The following PBK variants were observed in gnomAD, a reference collection of about 807,000 sequenced individuals.
The protein encoded by PBK is lymphokine-activated killer T-cell-originated protein kinase.
A neutral mutation model predicts 33.5 loss-of-function variants in PBK; 22 were observed. The observed-to-expected ratio is 0.66, with a 90% CI of 0.47 to 0.94. The LOEUF (loss-of-function observed/expected upper bound fraction) is 0.94, where lower values mean the gene tolerates loss of function less well. Ranked by LOEUF, PBK falls within the 40% of genes least tolerant of loss-of-function variation. The pLI, the probability that PBK is intolerant of heterozygous loss-of-function variation, is 0.00. For missense variants in PBK, 376 were observed against 383.4 expected, an observed-to-expected ratio of 0.98 and a Z score of 0.16; for synonymous variants, 129 against 123.8, an observed-to-expected ratio of 1.04 and a Z score of -0.28.
At chr8:27,827,646 G>GTAT (rs1806050884) in intron 3 of PBK, among the ~76,000 whole-genome samples, 2 of 152,202 alleles carry the variant, frequency 1.3e-5, no homozygotes, top group African/African-American at 4.8e-5. Context: ...TTAAAATCAT[G>GTAT]TATTTACCCT....
At position 27,820,589 on chromosome 8, in the gene PBK, G is replaced by C; in HGVS notation, c.571C>G (p.Leu191Val). 2 of 1,583,276 alleles carry C rather than the reference G, an allele frequency of 1.3e-6. No homozygotes were observed. Among genetic ancestry groups the C allele is most frequent in the Non-Finnish European group, 1.7e-6 (2 of 1,156,476 alleles). Residue 191 changes from leucine (L) to valine (V), a missense_variant, in exon 6 of 8, where the codon CTA becomes GTA. Transcript: ENST00000301905. ...TIKICDVGVSLPLDENMTVTD... is the reference protein window; with the variant it reads ...TIKICDVGVSVPLDENMTVTD... The stretch of plus-strand genomic sequence containing the variant: ...CCAGTCATATTTTCATCCAGTGGTA[G>C]AGAGACTCCTACATCACAGATTTTA...
chr8:27,824,531 C>T (rs1038568215), intron 3 of PBK, among the ~76,000 whole-genome samples: 2 of 152,068 alleles, frequency 1.3e-5, no homozygotes, highest in African/African-American at 2.4e-5. Context: ...TTTATGCAAT[C>T]ATTTAAGACA....
At chr8:27,831,991 A>T (rs892809938) in intron 2 of PBK, among the ~76,000 whole-genome samples, 10 of 152,164 alleles carry the variant, frequency 6.6e-5, no homozygotes, top group Admixed American at 3.9e-4. Context: ...TTAAAAAAAG[A>T]GAAACATTTC....
chr8:27,829,448 A>T (rs560362067), intron 2 of PBK, among the ~76,000 whole-genome samples: 1 of 152,252 alleles, frequency 6.6e-6, no homozygotes, highest in African/African-American at 2.4e-5. Context: ...TCAGACCATA[A>T]CTAAATCAAA....
chr8:27,834,916 G>A (rs532177225), intron 1 of PBK, among the ~76,000 whole-genome samples: 25 of 151,288 alleles, frequency 1.7e-4, no homozygotes, highest in African/African-American at 6.1e-4. Flanking sequence ...AAGAACGGAA[G>A]AAAAGAAAAT....
intron 6 of PBK, chr8:27,812,637 A>G (rs1230678426): frequency 6.6e-6 from 1 of 151,516 alleles, no homozygotes; most frequent in Non-Finnish European, 1.5e-5. Context: ...AAAAAAAAAA[A>G]AAAACATCAA....
In PBK at chr8:27,811,133, C is replaced by T. The variant is rs767327170; in HGVS notation, c.597G>A (p.Val199=). 1 of 1,613,770 alleles carries T rather than the reference C, an allele frequency of 6.2e-7. No individual in the cohort carries two copies. Among genetic ancestry groups the T allele is most frequent in the Non-Finnish European group, 8.5e-7 (1 of 1,179,800 alleles). The change falls in exon 7 of 8, where the codon GTG becomes GTA. Residue 199 remains valine, a splice_region_variant and synonymous_variant. Transcript: ENST00000301905. ...CAATGTAACAAGCCTCAGGGTCAGT[C>T]ACTGAAACAAGCAAGATGGTTATGA... ...VSLPLDENMT[V]TDPEACYIGT...
chr8:27,828,144 A>G lies in PBK; in HGVS notation c.113T>C (p.Leu38Pro), dbSNP rs1255734926. Residue 38 changes from leucine (L) to proline (P), a missense_variant, in exon 3 of 8, where the codon CTT becomes CCT. Physicochemically the swap from Leu to Pro is moderately conservative, Grantham distance 98. Coordinates refer to ENST00000301905, the MANE Select transcript of PBK (RefSeq NM_018492.4). ...CACATTTACCCCAGTACCAAAGCCA[A>G]GCTTCTGCATAAACGGAGAGGCCGG... is the stretch of plus-strand genomic sequence containing the variant. Reference protein sequence around the residue: ...NIPASPFMQKLGFGTGVNVYL... With the variant: ...NIPASPFMQKPGFGTGVNVYL... The G allele has an allele frequency of 1.9e-6, 3 of 1,590,094 alleles. No homozygotes were observed. In the Admixed American group the frequency reaches 5.0e-5, roughly 27 times the overall value.
intron 6 of PBK, among the ~76,000 whole-genome samples, chr8:27,811,542 T>C (rs1805684295): frequency 6.6e-6 from 1 of 152,128 alleles, no homozygotes; most frequent in Admixed American, 6.5e-5. Context: ...AAGTACCATT[T>C]CTATGCTTCC....
intron 6 of PBK, among the ~76,000 whole-genome samples, chr8:27,813,454 A>G: frequency 6.6e-6 from 1 of 152,290 alleles, no homozygotes; most frequent in East Asian, 1.9e-4. Flanking sequence ...TAGAACTTAA[A>G]CAATTTTGTT....
rs891876404 is a variant in PBK at position 27,837,783 on chromosome 8, C to G, written c.-152G>C. The G allele has an allele frequency of 2.0e-5, 3 of 152,280 alleles. No homozygotes were observed. Among genetic ancestry groups the G allele is most frequent in the African/African-American group, 7.2e-5 (3 of 41,476 alleles). 9.4% of individuals were successfully genotyped at this position (152,280 alleles called of 1,614,324 possible). A position where few individuals can be genotyped will look rare whatever the true frequency, so the allele number is the denominator to read the frequency against. The stretch of plus-strand genomic sequence containing the variant: ...CTCTAGCACCAACACATACGCCCGG[C>G]AGCTGCCGTTGCAATTCGAACCCTC... On this transcript the variant is annotated 5_prime_UTR_variant, in exon 1 of 8. Transcript: ENST00000301905.
chr8:27,820,852 C>T (rs1420533176), intron 5 of PBK, among the ~76,000 whole-genome samples, 158 bp from the exon 6 acceptor site: 3 of 148,020 alleles, frequency 2.0e-5, no homozygotes, highest in African/African-American at 5.0e-5. Flanking sequence ...AAAACGGAGT[C>T]TCACTCTGTT....
rs1358563281 is a variant in PBK at position 27,811,136 on chromosome 8, T to A, written c.596-2A>T. ...TGTAACAAGCCTCAGGGTCAGTCAC[T>A]GAAACAAGCAAGATGGTTATGAAGG... On this transcript the variant is annotated splice_acceptor_variant, in intron 6 of 7. Transcript: ENST00000301905. LOFTEE classifies it high-confidence loss of function. 1 of 1,613,694 alleles carries A rather than the reference T, an allele frequency of 6.2e-7. No homozygotes were observed. Among genetic ancestry groups the A allele is most frequent in the Admixed American group, 1.7e-5 (1 of 59,982 alleles).
At chr8:27,829,181 A>G (rs1214385846) in intron 2 of PBK, among the ~76,000 whole-genome samples, 2 of 152,352 alleles carry the variant, frequency 1.3e-5, no homozygotes, top group Admixed American at 6.5e-5. Context: ...ATCCGCACAT[A>G]ACAATGTGTA....
Position 27,833,263 on chromosome 8 carries a change from G to GGGTGGATCACCTGAGGTC in PBK, c.-20-148_-20-131dup, listed in dbSNP as rs141552109. On this transcript the variant is annotated intron_variant, in intron 1 of 7. Coordinates refer to ENST00000301905, the MANE Select transcript of PBK (RefSeq NM_018492.4). ...TCCCAGCACTTTGGGAGGCTGAGGTGGGTGGATCACCTGAGGTCGGTGGAT... is the reference window on the plus strand; with the variant it reads ...TCCCAGCACTTTGGGAGGCTGAGGTGGGTGGATCACCTGAGGTCGGTGGATCACCTGAGGTCGGTGGAT... The GGGTGGATCACCTGAGGTC allele has an allele frequency of 1.2e-5, 6 of 490,898 alleles. No individual in the cohort carries two copies. In the African/African-American group the frequency reaches 1.2e-4, roughly 10 times the overall value. The allele number at this position is 490,898 out of a possible 1,614,324, so 30.4% of individuals were successfully genotyped here. A position where few individuals can be genotyped will look rare whatever the true frequency, so the allele number is the denominator to read the frequency against.
chr8:27,832,940 G>A (rs2128965900), intron 2 of PBK, 116 bp downstream of exon 2: 1 of 619,086 alleles, frequency 1.6e-6, no homozygotes, highest in Non-Finnish European at 2.8e-6. Flanking sequence ...TCATAAAGGG[G>A]AGTTACATTA....
In PBK at chr8:27,837,776, C is replaced by G. The variant is rs1806256057; in HGVS notation, c.-145G>C. The stretch of plus-strand genomic sequence containing the variant: ...CAGCTGCCTCTAGCACCAACACATA[C>G]GCCCGGCAGCTGCCGTTGCAATTCG... On this transcript the variant is annotated 5_prime_UTR_variant, in exon 1 of 8. Coordinates refer to ENST00000301905, the MANE Select transcript of PBK (RefSeq NM_018492.4). 1 of 152,248 alleles carries G rather than the reference C, an allele frequency of 6.6e-6. No homozygotes were observed. Among genetic ancestry groups the G allele is most frequent in the Non-Finnish European group, 1.5e-5 (1 of 68,056 alleles). 9.4% of individuals were successfully genotyped at this position (152,248 alleles called of 1,614,324 possible). A position where few individuals can be genotyped will look rare whatever the true frequency, so the allele number is the denominator to read the frequency against.
chr8:27,822,288 G>T (rs372560974), intron 5 of PBK, 31 bp downstream of exon 5: 44 of 1,430,170 alleles, frequency 3.1e-5, no homozygotes, highest in Middle Eastern at 1.8e-4. Flanking sequence ...AACAAAAACA[G>T]AAGTCATTTA....
At position 27,832,387 on chromosome 8, in the gene PBK, C is replaced by T. The variant is rs756652366; in HGVS notation, c.58+669G>A. 1.1e-3 allele frequency among the ~76,000 whole-genome samples: 164 copies of T among 152,156 alleles called. 2 individuals carry two copies. Among genetic ancestry groups the T allele is most frequent in the Non-Finnish European group, 6.5e-4 (44 of 68,000 alleles). ...ATCCACTAACATTTCTATTCAAAAACATACTGGAGCCAGTGCAATTAAAAA... is the reference window on the plus strand; with the variant it reads ...ATCCACTAACATTTCTATTCAAAAATATACTGGAGCCAGTGCAATTAAAAA... On this transcript the variant is annotated intron_variant, in intron 2 of 7. Transcript: ENST00000301905.
Sources: allele counts gnomAD v4.1 joint callset (sites outside exome capture counted in the v4.1 genomes callset), GRCh38; gene constraint gnomAD v4.1.1; transcripts MANE v1.5; gene names NCBI Gene and HGNC (gene_info 2026-07-23, HGNC 2026-07-21).